The following RNF150 variants were observed in gnomAD, a reference collection of about 807,000 sequenced individuals.
The protein encoded by RNF150 is ring finger protein 150.
A neutral mutation model predicts 39.3 loss-of-function variants in RNF150; 24 were observed. That is an observed-to-expected ratio of 0.61 (90% confidence interval 0.44 to 0.86). The LOEUF is 0.86. Ranked by LOEUF, RNF150 falls within the 40% of genes least tolerant of loss-of-function variation. The pLI, the probability that RNF150 is intolerant of heterozygous loss-of-function variation, is 0.00. For missense variants in RNF150, 502 were observed against 587.8 expected (o/e 0.85, Z 1.51); for synonymous variants, 255 against 227.3 (o/e 1.12, Z -1.10).
At chr4:140,913,224 G>A (rs1730685940) in intron 5 of RNF150, among the ~76,000 whole-genome samples, 1 of 152,138 alleles carries the variant, frequency 6.6e-6, no homozygotes, top group African/African-American at 2.4e-5. Flanking sequence ...TTGTCCCACT[G>A]CACTCCAGCC....
intron 1 of RNF150, among the ~76,000 whole-genome samples, chr4:141,068,134 T>C (rs1737536043): frequency 6.6e-6 from 1 of 152,018 alleles, no homozygotes; most frequent in South Asian, 2.1e-4. Context: ...TTAGTAGAGA[T>C]GGGGTTCACC....
chr4:140,872,244 A>ATGTCGAC (rs1406881049), intron 6 of RNF150, among the ~76,000 whole-genome samples: 1 of 152,380 alleles, frequency 6.6e-6, no homozygotes, highest in East Asian at 1.9e-4. Context: ...AACAACATAA[A>ATGTCGAC]TGTCGACTGA....
At chr4:140,886,838 G>A (rs886792037) in intron 6 of RNF150, among the ~76,000 whole-genome samples, 1 of 152,080 alleles carries the variant, frequency 6.6e-6, no homozygotes, top group Non-Finnish European at 1.5e-5. Flanking sequence ...TTTGTCAATG[G>A]TTCGCTTTTT....
At chr4:141,141,123 T>A (rs1176688472) in intron 1 of RNF150, among the ~76,000 whole-genome samples, 1 of 152,192 alleles carries the variant, frequency 6.6e-6, no homozygotes, top group Non-Finnish European at 1.5e-5. Flanking sequence ...GTAAGGACAC[T>A]GGAAAGGAAC....
chr4:141,075,927 G>C (rs561695047), intron 1 of RNF150, among the ~76,000 whole-genome samples: 133 of 151,978 alleles, frequency 8.8e-4, no homozygotes, highest in African/African-American at 3.1e-3. Context: ...AAAACCACCT[G>C]TTCTCCCAAA....
At chr4:141,208,526 T>A (rs1435129) in intron 1 of RNF150, among the ~76,000 whole-genome samples, 1 of 152,130 alleles carries the variant, frequency 6.6e-6, no homozygotes, top group Non-Finnish European at 1.5e-5. Flanking sequence ...ATATTTTTTC[T>A]GTGTTTATAC....
intron 1 of RNF150, among the ~76,000 whole-genome samples, chr4:141,052,586 G>A (rs1321360017): frequency 9.9e-5 from 15 of 152,146 alleles, no homozygotes; most frequent in Admixed American, 7.2e-4. Flanking sequence ...ACGTTGGCCA[G>A]GCTGGTCTTG....
intron 1 of RNF150, among the ~76,000 whole-genome samples, chr4:141,051,467 T>A (rs982922134): frequency 6.6e-6 from 1 of 152,190 alleles, no homozygotes; most frequent in Admixed American, 6.5e-5. Context: ...CTGACTGCCT[T>A]AATAGCACCC....
chr4:141,032,008 G>A (rs555484112), intron 1 of RNF150, among the ~76,000 whole-genome samples: 137 of 151,588 alleles, frequency 9.0e-4, no homozygotes, highest in Non-Finnish European at 1.7e-3. Context: ...GATGTAGTAT[G>A]TGTATATATG....
chr4:141,150,131 C>G (rs989149427), intron 1 of RNF150, among the ~76,000 whole-genome samples: 5 of 152,008 alleles, frequency 3.3e-5, no homozygotes, highest in African/African-American at 1.2e-4. Context: ...TCTGAAAGAA[C>G]AAAAATGGTG....
chr4:141,057,764 A>G (rs1303987254), intron 1 of RNF150, among the ~76,000 whole-genome samples: 4 of 152,042 alleles, frequency 2.6e-5, no homozygotes, highest in Non-Finnish European at 2.9e-5. Flanking sequence ...TACTTCACAC[A>G]TAGCAAACCT....
intron 1 of RNF150, among the ~76,000 whole-genome samples, chr4:141,183,029 C>T (rs1330532259): frequency 6.6e-6 from 1 of 152,100 alleles, no homozygotes; most frequent in Non-Finnish European, 1.5e-5. Context: ...AGACGTGGGT[C>T]TTAATGTGTT....
intron 2 of RNF150, among the ~76,000 whole-genome samples, chr4:140,963,858 A>T (rs1733134569): frequency 6.6e-6 from 1 of 152,050 alleles, no homozygotes; most frequent in Non-Finnish European, 1.5e-5. Flanking sequence ...AAAATTCTTA[A>T]TAAGATAGAA....
At chr4:141,178,229 AGTATGTGTGTGT>A (rs997533324) in intron 1 of RNF150, among the ~76,000 whole-genome samples, 274 of 151,844 alleles carry the variant, frequency 1.8e-3, no homozygotes, top group African/African-American at 6.1e-3. Context: ...GCACCCTCAG[AGTATGTGTGTGT>A]GTATGTGTGT....
chr4:141,154,519 G>T (rs1364558858), intron 1 of RNF150, among the ~76,000 whole-genome samples: 1 of 152,164 alleles, frequency 6.6e-6, no homozygotes, highest in African/African-American at 2.4e-5. Flanking sequence ...GTTGAGAAGA[G>T]TCAGAGAACA....
intron 1 of RNF150, among the ~76,000 whole-genome samples, chr4:141,170,124 G>A (rs1727685037): frequency 6.6e-6 from 1 of 152,164 alleles, no homozygotes; most frequent in African/African-American, 2.4e-5. Context: ...GTCTGCAAAT[G>A]AAAAGAAATG....
intron 1 of RNF150, among the ~76,000 whole-genome samples, chr4:141,063,784 T>C (rs1157636069): frequency 6.6e-6 from 1 of 152,128 alleles, no homozygotes; most frequent in Non-Finnish European, 1.5e-5. Flanking sequence ...ATTCTCACAG[T>C]TTCATGTGTG....
chr4:141,199,596 C>T (rs1183043199), intron 1 of RNF150, among the ~76,000 whole-genome samples: 1 of 152,044 alleles, frequency 6.6e-6, no homozygotes, highest in Admixed American at 6.6e-5. Context: ...GTCAGACCCC[C>T]AAATCTTCAT....
At chr4:141,179,798 G>A (rs980864690) in intron 1 of RNF150, among the ~76,000 whole-genome samples, 4 of 152,262 alleles carry the variant, frequency 2.6e-5, no homozygotes, top group Non-Finnish European at 5.9e-5. Flanking sequence ...GGAGCCAGAA[G>A]ATCTCCTCTT....
Sources: gnomAD v4.1 joint callset for allele counts (sites outside exome capture counted in the v4.1 genomes callset) on GRCh38, gnomAD v4.1.1 for gene constraint, MANE v1.5 for transcripts, NCBI Gene and HGNC (gene_info 2026-07-23, HGNC 2026-07-21) for gene names.